Variants in TMEM219 observed in about 807,000 individuals in gnomAD.
TMEM219 encodes the protein transmembrane protein 219, also known as insulin-like growth factor-binding protein 3 receptor.
A neutral mutation model predicts 17.9 loss-of-function variants in TMEM219; 18 were observed. The observed-to-expected ratio is 1.01, with a 90% CI of 0.70 to 1.49. The LOEUF (loss-of-function observed/expected upper bound fraction) is 1.49, where lower values mean the gene tolerates loss of function less well. Among genes scored for constraint, TMEM219 ranks in the 40% most tolerant of loss-of-function variants. The probability of loss-of-function intolerance (pLI) is 0.00; values close to 1 mark genes in which losing one functional copy is unlikely to be tolerated. For synonymous variants in TMEM219, 113 were observed against 124.0 expected (o/e 0.91, Z 0.59); for missense variants, 288 against 292.4 (o/e 0.99, Z 0.11).
intron 3 of TMEM219, among the ~76,000 whole-genome samples, chr16:29,967,243 T>C (rs977996127): frequency 1.3e-5 from 2 of 152,198 alleles, no homozygotes; most frequent in African/African-American, 4.8e-5. Context: ...CTCAGTGATA[T>C]AAATAATGGT....
intron 4 of TMEM219, among the ~76,000 whole-genome samples, chr16:29,969,896 G>A (rs917006516): frequency 2.6e-5 from 4 of 152,096 alleles, no homozygotes; most frequent in African/African-American, 9.7e-5. Flanking sequence ...GAGAATGGCT[G>A]AGTGGAGGAG....
At chr16:29,963,910 C>T (rs1433998505) in intron 3 of TMEM219, among the ~76,000 whole-genome samples, 2 of 133,136 alleles carry the variant, frequency 1.5e-5, no homozygotes, top group South Asian at 2.5e-4. Context: ...AAATCAGGTG[C>T]GGTGGCTCAT....
chr16:29,964,693 A>C (rs2069190876), intron 3 of TMEM219, among the ~76,000 whole-genome samples: 1 of 152,036 alleles, frequency 6.6e-6, no homozygotes, highest in Non-Finnish European at 1.5e-5. Context: ...GCCAAAAAAA[A>C]AAAAGTAAGG....
At chr16:29,962,305 C>A (rs185922918) in intron 1 of TMEM219, among the ~76,000 whole-genome samples, 173 bp downstream of exon 1, 1 of 152,150 alleles carries the variant, frequency 6.6e-6, no homozygotes, top group Non-Finnish European at 1.5e-5. Flanking sequence ...GGACGGGAGG[C>A]GGGGCAGGGC....
At position 29,968,175 on chromosome 16, in the gene TMEM219, C is replaced by A. The variant is rs1284542484; in HGVS notation, c.506C>A (p.Thr169Asn). The A allele has an allele frequency of 5.6e-6, 9 of 1,614,070 alleles. No homozygotes were observed. The African/African-American group carries it at 1.2e-4, about 22-fold the overall frequency. The change falls in exon 4 of 6, where the codon ACC (threonine) becomes AAC (asparagine). Residue 169 changes from threonine to asparagine, a missense_variant. Physicochemically the swap from Thr to Asn is moderately conservative, Grantham distance 65. Transcript: ENST00000279396. ...TCAGAGGAGGGGGCTGGAAATGCCA[C>A]CCTGAGCCCTAGAATGGGTGAGGAA... Reference protein sequence around the residue: ...SCSEEGAGNATLSPRMGEECV... With the variant: ...SCSEEGAGNANLSPRMGEECV...
At chr16:29,962,946 CAGTGCAGGG>C in intron 1 of TMEM219, 152 bp from the exon 2 acceptor site, 1 of 654,642 alleles carries the variant, frequency 1.5e-6, no homozygotes, top group South Asian at 1.8e-5. Context: ...ATTTATCCAG[CAGTGCAGGG>C]AGTTGAACTT....
rs1320880550 is a variant in TMEM219, at chr16:29,963,419, G to T, written c.185G>T (p.Arg62Ile). 6.2e-7 allele frequency: 1 copy of T among 1,613,758 alleles called. No homozygotes were observed. The highest frequency in any genetic ancestry group is 1.3e-5 in the African/African-American group (1 of 74,892). Residue 62 changes from arginine (R) to isoleucine (I), a missense_variant, in exon 3 of 6, where the codon AGA becomes ATA. By Grantham distance (97) the Arg-to-Ile change is moderately conservative. Transcript: ENST00000279396. ...DIPQDWVSFL[R>I]SFGQLTLCPR... ...TCACAGGACTGGGTCTCTTTTTTGA[G>T]ATCTTTTGGCCAGCTGACCCTGTGT... is the stretch of plus-strand genomic sequence containing the variant.
Position 29,963,062 on chromosome 16 carries a change from C to A in TMEM219, c.-37-45C>A, listed in dbSNP as rs1452983625. ...TTCTCTGAGCTTTCTTTTCTCTTTG[C>A]GTAAAAGCGGTGCTCTTGTCCCATT... is the stretch of plus-strand genomic sequence containing the variant. On this transcript the variant is annotated intron_variant, in intron 1 of 5. Coordinates refer to ENST00000279396, the MANE Select transcript of TMEM219 (RefSeq NM_001083613.2). 7 of 1,499,484 alleles carry A rather than the reference C, an allele frequency of 4.7e-6. No homozygotes were observed. In the African/African-American group the frequency reaches 5.5e-5, roughly 12 times the overall value. 92.9% of individuals were successfully genotyped at this position (1,499,484 alleles called of 1,614,324 possible).
intron 4 of TMEM219, 58 bp from the exon 5 acceptor site, chr16:29,971,350 A>G (rs1474976259): frequency 5.6e-6 from 9 of 1,606,990 alleles, no homozygotes; most frequent in Non-Finnish European, 7.7e-6. Context: ...GGCTCCTTCT[A>G]TAGCCCTTGG....
At chr16:29,970,045 C>A (rs185799628) in intron 4 of TMEM219, among the ~76,000 whole-genome samples, 2 of 152,014 alleles carry the variant, frequency 1.3e-5, no homozygotes, top group African/African-American at 4.8e-5. Context: ...ACCAGCCTGG[C>A]CAACATGGTG....
rs979724147 is a variant in TMEM219 at position 29,963,429 on chromosome 16, C to T, written c.195C>T (p.Gly65=). 3 of 1,614,024 alleles carry T rather than the reference C, an allele frequency of 1.9e-6. No homozygotes were observed. The highest frequency in any genetic ancestry group is 1.3e-5 in the African/African-American group (1 of 74,928). Reference sequence around the variant, plus strand: ...GGGTCTCTTTTTTGAGATCTTTTGGCCAGCTGACCCTGTGTCCCAGGAATG... The same window carrying T: ...GGGTCTCTTTTTTGAGATCTTTTGGTCAGCTGACCCTGTGTCCCAGGAATG... The part of the protein sequence containing the change: ...QDWVSFLRSF[G]QLTLCPRNGT... Residue 65 remains glycine, a synonymous_variant, in exon 3 of 6, where the codon GGC becomes GGT. Transcript: ENST00000279396.
At chr16:29,971,704 T>C in intron 5 of TMEM219, 126 bp downstream of exon 5, 1 of 864,618 alleles carries the variant, frequency 1.2e-6, no homozygotes, top group Non-Finnish European at 1.7e-6. Flanking sequence ...CGAGAACCTC[T>C]TCAACCACAG....
At chr16:29,971,625 G>A (rs995204486) in intron 5 of TMEM219, 47 bp downstream of exon 5, 4 of 1,464,888 alleles carry the variant, frequency 2.7e-6, no homozygotes, top group East Asian at 4.9e-5. Flanking sequence ...ATGGGGTGGG[G>A]GTGGGGGTTG....
rs568530610 is a variant in TMEM219 at position 29,968,803 on chromosome 16, A to G, written c.585+549A>G. On this transcript the variant is annotated intron_variant, in intron 4 of 5. Coordinates refer to ENST00000279396, the MANE Select transcript of TMEM219 (RefSeq NM_001083613.2). Reference sequence around the variant, plus strand: ...CTCTCAGGGTTCATTAATTCATTTGATCTTAAAATAGCCTTTTGAGGTAGG... The same window carrying G: ...CTCTCAGGGTTCATTAATTCATTTGGTCTTAAAATAGCCTTTTGAGGTAGG... 4.6e-5 allele frequency among the ~76,000 whole-genome samples: 7 copies of G among 152,334 alleles called. No individual in the cohort carries two copies. The South Asian group carries it at 8.3e-4, about 18-fold the overall frequency.
At chr16:29,963,057 CTT>C (rs2150858960) in intron 1 of TMEM219, 48 bp from the exon 2 acceptor site, 7 of 1,484,012 alleles carry the variant, frequency 4.7e-6, no homozygotes, top group Non-Finnish European at 6.4e-6. Context: ...TTTCTTTTCT[CTT>C]TGCGTAAAAG....
intron 3 of TMEM219, among the ~76,000 whole-genome samples, chr16:29,965,707 TG>T (rs1199584526): frequency 6.6e-6 from 1 of 152,088 alleles, no homozygotes; most frequent in Non-Finnish European, 1.5e-5. Context: ...CCTGAGTAGC[TG>T]GGATTACAGG....
chr16:29,968,319 T>A, intron 4 of TMEM219, 65 bp downstream of exon 4: 1 of 1,355,548 alleles, frequency 7.4e-7, no homozygotes, highest in Non-Finnish European at 1.0e-6. Flanking sequence ...ATCTTGAAGG[T>A]CCCTGGAAAC....
Position 29,968,193 on chromosome 16 carries a change from G to T in TMEM219, c.524G>T (p.Gly175Val). The T allele has an allele frequency of 6.2e-7, 1 of 1,614,204 alleles. No homozygotes were observed. The highest frequency in any genetic ancestry group is 8.5e-7 in the Non-Finnish European group (1 of 1,180,040). ...AATGCCACCCTGAGCCCTAGAATGG[G>T]TGAGGAATGTGTTAGTGTCTGGAGC... ...AGNATLSPRM[G>V]EECVSVWSHE... The change falls in exon 4 of 6, where the codon GGT becomes GTT. Residue 175 changes from glycine to valine, a missense_variant. By Grantham distance (109) the Gly-to-Val change is moderately radical. Transcript: ENST00000279396.
rs1278340127 is a variant in TMEM219 at position 29,962,122 on chromosome 16, G to C, written c.-48G>C. 1 of 151,658 alleles carries C rather than the reference G, an allele frequency of 6.6e-6. No individual in the cohort carries two copies. The highest frequency in any genetic ancestry group is 1.9e-4 in the East Asian group (1 of 5,132). 9.4% of individuals were successfully genotyped at this position (151,658 alleles called of 1,614,324 possible). A position where few individuals can be genotyped will look rare whatever the true frequency, so the allele number is the denominator to read the frequency against. On this transcript the variant is annotated 5_prime_UTR_variant, in exon 1 of 6. Transcript: ENST00000279396. ...TCGCGGGGGGCGCCGGCCTCCGCCC[G>C]GCCCCGAGGGGTAAGAGCGAGCGGC...
Sources: allele counts gnomAD v4.1 joint callset (sites outside exome capture counted in the v4.1 genomes callset), GRCh38; gene constraint gnomAD v4.1.1; transcripts MANE v1.5; gene names NCBI Gene and HGNC (gene_info 2026-07-23, HGNC 2026-07-21).